TTC28: variants seen among roughly 807,000 people sequenced by gnomAD.
TTC28 encodes the protein tetratricopeptide repeat domain 28.
Under a neutral mutation model 198.0 loss-of-function variants are expected in TTC28, and 61 were observed. The ratio of observed to expected loss-of-function variants is 0.31; its 90% CI spans 0.25 to 0.38. The LOEUF (loss-of-function observed/expected upper bound fraction) is 0.38, where lower values mean the gene tolerates loss of function less well. Among genes scored for constraint, TTC28 ranks in the 10% least tolerant of loss-of-function variants. The pLI, the probability that TTC28 is intolerant of heterozygous loss-of-function variation, is 1.00. For missense variants in TTC28, 2,678 were observed against 3,164.0 expected (o/e 0.85, Z 3.69); for synonymous variants, 1,171 against 1,297.8 (o/e 0.90, Z 2.10).
intron 2 of TTC28, among the ~76,000 whole-genome samples, chr22:28,616,688 CAA>C (rs2050909761): frequency 6.6e-6 from 1 of 151,846 alleles, no homozygotes; most frequent in Admixed American, 6.6e-5. Context: ...CCCGTCTCTA[CAA>C]AAATACAAAA....
chr22:28,235,728 C>T (rs1929195175), intron 5 of TTC28, among the ~76,000 whole-genome samples: 1 of 152,172 alleles, frequency 6.6e-6, no homozygotes, highest in Non-Finnish European at 1.5e-5. Flanking sequence ...ACTGAATAGT[C>T]TTTGGGAAAA....
At position 28,342,879 on chromosome 22, in the gene TTC28, AC is replaced by A. The variant is rs150501891; in HGVS notation, c.382-36237del. Among the ~76,000 whole-genome samples the A allele has an allele frequency of 1.4e-3, 209 of 152,352 alleles. No homozygotes were observed. The East Asian group carries it at 0.036, about 27-fold the overall frequency. ...TTTTCCAAATAAGTCTGAGAAATTA[AC>A]ATAGGCATGCACAGACCTAGACTAA... On this transcript the variant is annotated intron_variant, in intron 2 of 22. Transcript: ENST00000397906.
intron 5 of TTC28, among the ~76,000 whole-genome samples, chr22:28,230,027 T>C (rs146294814): frequency 6.6e-6 from 1 of 152,292 alleles, no homozygotes; most frequent in Admixed American, 6.5e-5. Flanking sequence ...GGGAACCTGG[T>C]ATCCAGTTTG....
intron 2 of TTC28, among the ~76,000 whole-genome samples, chr22:28,570,154 T>C (rs2050038645): frequency 6.6e-6 from 1 of 152,148 alleles, no homozygotes; most frequent in East Asian, 1.9e-4. Context: ...GTTTGGAGAT[T>C]TCTCAAATAA....
At chr22:28,199,383 TTATATATATATATATATATATATATATA>T (rs34398046) in intron 5 of TTC28, among the ~76,000 whole-genome samples, 1 of 118,528 alleles carries the variant, frequency 8.4e-6, no homozygotes, top group African/African-American at 3.3e-5. Context: ...ACATTAAAAA[TTATATATATATATATATATATATATATA>T]TATATATATA....
intron 2 of TTC28, among the ~76,000 whole-genome samples, chr22:28,368,407 A>G (rs2145982193): frequency 6.6e-6 from 1 of 152,212 alleles, no homozygotes. Flanking sequence ...AACATAATAA[A>G]AGCCATATAT....
intron 19 of TTC28, among the ~76,000 whole-genome samples, chr22:27,991,856 G>C (rs1300455885): frequency 6.6e-6 from 1 of 152,212 alleles, no homozygotes; most frequent in African/African-American, 2.4e-5. Context: ...TCCTGAACTA[G>C]ATCTGTATTT....
chr22:28,025,520 T>C (rs1938795916), intron 13 of TTC28, among the ~76,000 whole-genome samples: 1 of 152,160 alleles, frequency 6.6e-6, no homozygotes, highest in African/African-American at 2.4e-5. Flanking sequence ...CACTGGGCTT[T>C]TGCAGCACTG....
intron 2 of TTC28, among the ~76,000 whole-genome samples, chr22:28,579,799 T>C (rs980495347): frequency 2.0e-5 from 3 of 151,704 alleles, no homozygotes; most frequent in African/African-American, 4.8e-5. Context: ...TGAAAGCCCA[T>C]CTCTACCAAA....
intron 2 of TTC28, among the ~76,000 whole-genome samples, chr22:28,384,758 C>A (rs986215258): frequency 5.3e-5 from 8 of 152,170 alleles, no homozygotes; most frequent in Non-Finnish European, 1.0e-4. Flanking sequence ...CCCTTATCAT[C>A]CGTCTTCTGC....
At chr22:28,134,731 C>A (rs1415546384) in intron 6 of TTC28, among the ~76,000 whole-genome samples, 2 of 151,924 alleles carry the variant, frequency 1.3e-5, no homozygotes, top group Non-Finnish European at 2.9e-5. Flanking sequence ...ACTGGTGTAC[C>A]TGAAAGTGAC....
In TTC28 at chr22:27,996,318, C is replaced by T. The variant is rs1292467741; in HGVS notation, c.5120-59G>A. 78 of 1,528,378 alleles carry T rather than the reference C, an allele frequency of 5.1e-5. No homozygotes were observed. The East Asian group carries it at 5.2e-4, about 10-fold the overall frequency. The allele number at this position is 1,528,378 out of a possible 1,614,324, so 94.7% of individuals were successfully genotyped here. On this transcript the variant is annotated intron_variant, in intron 16 of 22. Coordinates refer to ENST00000397906, the MANE Select transcript of TTC28 (RefSeq NM_001145418.2). ...CAGCTGGAGACCCCCAGCCCCACCC[C>T]GGCTTCCAGGGCTCACTTACGCCTC...
chr22:28,434,587 G>A (rs182720435), intron 2 of TTC28, among the ~76,000 whole-genome samples: 31 of 152,098 alleles, frequency 2.0e-4, no homozygotes, highest in East Asian at 1.9e-3. Context: ...AAGACTCAAC[G>A]CCTACCAAAA....
At chr22:28,482,515 G>C (rs2048265719) in intron 2 of TTC28, among the ~76,000 whole-genome samples, 1 of 151,906 alleles carries the variant, frequency 6.6e-6, no homozygotes, top group South Asian at 2.1e-4. Flanking sequence ...GCCAGTAATG[G>C]GCAGTCAAAC....
chr22:28,179,152 G>GT (rs1012464191), intron 5 of TTC28, among the ~76,000 whole-genome samples: 2 of 149,016 alleles, frequency 1.3e-5, no homozygotes, highest in Non-Finnish European at 3.0e-5. Context: ...TTAGTTTTTT[G>GT]TTTTTTTGTT....
At chr22:28,177,079 G>C (rs1302956969) in intron 5 of TTC28, among the ~76,000 whole-genome samples, 1 of 152,098 alleles carries the variant, frequency 6.6e-6, no homozygotes, top group Non-Finnish European at 1.5e-5. Flanking sequence ...TTAGGAGAAT[G>C]AAAAGTCAAG....
chr22:27,989,269 T>C (rs575561412), intron 21 of TTC28, among the ~76,000 whole-genome samples: 1 of 152,174 alleles, frequency 6.6e-6, no homozygotes, highest in Admixed American at 6.5e-5. Flanking sequence ...CAGAGGTGGT[T>C]TCAATAGTAC....
intron 2 of TTC28, among the ~76,000 whole-genome samples, chr22:28,523,473 C>T (rs1454660389): frequency 6.6e-6 from 1 of 152,188 alleles, no homozygotes; most frequent in Non-Finnish European, 1.5e-5. Flanking sequence ...GGATCCACTA[C>T]TGAGGCCTTA....
At chr22:28,435,308 G>C (rs1406965107) in intron 2 of TTC28, among the ~76,000 whole-genome samples, 1 of 152,320 alleles carries the variant, frequency 6.6e-6, no homozygotes, top group Middle Eastern at 3.4e-3. Context: ...TCAATCATGT[G>C]AGAATGTGAG....
Sources: gnomAD v4.1 joint callset for allele counts (sites outside exome capture counted in the v4.1 genomes callset) on GRCh38, gnomAD v4.1.1 for gene constraint, MANE v1.5 for transcripts, NCBI Gene and HGNC (gene_info 2026-07-23, HGNC 2026-07-21) for gene names.